The following KLF16 variants were observed in gnomAD, a reference collection of about 807,000 sequenced individuals.
KLF16 encodes the protein Krueppel-like factor 16.
Under a neutral mutation model 6.1 loss-of-function variants are expected in KLF16, and 6 were observed. The observed-to-expected ratio is 0.98, with a 90% CI of 0.54 to 1.93. The LOEUF (loss-of-function observed/expected upper bound fraction) is 1.93, where lower values mean the gene tolerates loss of function less well. KLF16 is among the 30% of genes most tolerant of loss of function. The pLI is 0.01. For missense variants in KLF16, 355 were observed against 363.8 expected, an observed-to-expected ratio of 0.98 and a Z score of 0.20; for synonymous variants, 211 against 176.5, an observed-to-expected ratio of 1.20 and a Z score of -1.55.
chr19:1,858,792 C>A (rs1170370662), intron 1 of KLF16, among the ~76,000 whole-genome samples: 1 of 152,126 alleles, frequency 6.6e-6, no homozygotes. Flanking sequence ...GGGGACAACC[C>A]CCTCAAGGAC....
rs758174504 is a variant in KLF16, at chr19:1,863,048, C to A, written c.450G>T (p.Thr150=). 4 of 1,395,046 alleles carry A rather than the reference C, an allele frequency of 2.9e-6. 1 individual carries two copies. The South Asian group carries it at 4.0e-5, about 14-fold the overall frequency. The allele number at this position is 1,395,046 out of a possible 1,614,324, so 86.4% of individuals were successfully genotyped here. The part of the protein sequence containing the change: ...KSSHLKSHLR[T]HTGERPFACD... Reference sequence around the variant, plus strand: ...GATCGCGGCTGCACTCACCTGTGTGCGTCCGCAGGTGCGACTTTAGGTGCG... The same window carrying A: ...GATCGCGGCTGCACTCACCTGTGTGAGTCCGCAGGTGCGACTTTAGGTGCG... The change falls in exon 1 of 2, where the codon ACG becomes ACT. Residue 150 remains threonine, a synonymous_variant. Coordinates refer to ENST00000250916, the MANE Select transcript of KLF16 (RefSeq NM_031918.4).
At chr19:1,854,795 C>T (rs369507829) in intron 1 of KLF16, 35 bp from the exon 2 acceptor site, 41 of 1,589,922 alleles carry the variant, frequency 2.6e-5, no homozygotes, top group Middle Eastern at 1.7e-4. Flanking sequence ...AGCGGGTCAG[C>T]GGGGGCGGGG....
the KLF16 span, among the ~76,000 whole-genome samples, chr19:1,872,849 G>C: frequency 6.6e-6 from 1 of 152,066 alleles, no homozygotes; most frequent in Non-Finnish European, 1.5e-5. Context: ...GCCCGGAACC[G>C]GGAGGGAAGT....
At chr19:1,871,588 CAG>C in the KLF16 span, among the ~76,000 whole-genome samples, 115 of 152,268 alleles carry the variant, frequency 7.6e-4, 1 homozygote, top group Non-Finnish European at 1.5e-3. Flanking sequence ...CAAAGCCACT[CAG>C]GGTATATTTC....
At chr19:1,871,584 C>T in the KLF16 span, among the ~76,000 whole-genome samples, 1 of 152,174 alleles carries the variant, frequency 6.6e-6, no homozygotes, top group Admixed American at 6.5e-5. Flanking sequence ...CCCCCAAAGC[C>T]ACTCAGGGTA....
At chr19:1,866,595 CAA>C (rs1028796626), upstream of KLF16, among the ~76,000 whole-genome samples, 9 of 149,066 alleles carry the variant, frequency 6.0e-5, no homozygotes, top group African/African-American at 1.2e-4. Flanking sequence ...GCCTGGGTGA[CAA>C]GAGAGAAACT....
upstream of KLF16, chr19:1,863,588 C>CGGAGGA (rs571616389): frequency 0.011 from 4,806 of 447,478 alleles, 58 homozygotes; most frequent in Middle Eastern, 0.017. Context: ...GTGCGGGAGG[C>CGGAGGA]GGAGGAGGAG....
chr19:1,859,866 A>C (rs907101753), intron 1 of KLF16, among the ~76,000 whole-genome samples: 3 of 151,958 alleles, frequency 2.0e-5, no homozygotes, highest in Non-Finnish European at 2.9e-5. Context: ...GACATTTGTG[A>C]TTGTCACGAC....
Position 1,854,140 on chromosome 19 carries a change from A to AG in KLF16, c.*318dup, listed in dbSNP as rs1275807184. The stretch of plus-strand genomic sequence containing the variant: ...CCACCCCCCCAAACCCCACCCCGGG[A>AG]GGGGGGCAGCAGGGGGTGGTGGAGA... On this transcript the variant is annotated 3_prime_UTR_variant, in exon 2 of 2. Transcript: ENST00000250916. 1.4e-5 allele frequency: 4 copies of AG among 285,646 alleles called. No individual in the cohort carries two copies. Among genetic ancestry groups the AG allele is most frequent in the Non-Finnish European group, 2.6e-5 (4 of 155,442 alleles). The allele number at this position is 285,646 out of a possible 1,614,324, so 17.7% of individuals were successfully genotyped here.
In KLF16 at chr19:1,863,056, G is replaced by A. The variant is rs973439117; in HGVS notation, c.442C>T (p.Leu148=). ...YYKSSHLKSH[L]RTHTGERPFA... The stretch of plus-strand genomic sequence containing the variant: ...CTGCACTCACCTGTGTGCGTCCGCA[G>A]GTGCGACTTTAGGTGCGAGGACTTG... Residue 148 remains leucine, a synonymous_variant, in exon 1 of 2, where the codon CTG becomes TTG. Coordinates refer to ENST00000250916, the MANE Select transcript of KLF16 (RefSeq NM_031918.4). 14 of 1,405,716 alleles carry A rather than the reference G, an allele frequency of 1.0e-5. No individual in the cohort carries two copies. The African/African-American group carries it at 1.8e-4, about 18-fold the overall frequency. 87.1% of individuals were successfully genotyped at this position (1,405,716 alleles called of 1,614,324 possible). A position where few individuals can be genotyped will look rare whatever the true frequency, so the allele number is the denominator to read the frequency against.
chr19:1,859,536 C>A (rs977386609), intron 1 of KLF16, among the ~76,000 whole-genome samples: 1 of 152,070 alleles, frequency 6.6e-6, no homozygotes, highest in Non-Finnish European at 1.5e-5. Context: ...AGGGATTCAC[C>A]TTGCCGAGGT....
At chr19:1,856,411 C>T (rs998197188) in intron 1 of KLF16, among the ~76,000 whole-genome samples, 2 of 152,178 alleles carry the variant, frequency 1.3e-5, no homozygotes, top group Admixed American at 1.3e-4. Context: ...CTCAGCAAAA[C>T]AAGACTGCAG....
chr19:1,866,528 C>T (rs2012190777), upstream of KLF16, among the ~76,000 whole-genome samples: 1 of 151,980 alleles, frequency 6.6e-6, no homozygotes, highest in African/African-American at 2.4e-5. Flanking sequence ...GTAGGAGAAT[C>T]GCTTGAACCC....
the KLF16 span, among the ~76,000 whole-genome samples, chr19:1,870,114 T>G: frequency 1.3e-5 from 2 of 150,884 alleles, no homozygotes; most frequent in African/African-American, 4.9e-5. Context: ...GTATTTTTAG[T>G]AGAGACGGGG....
chr19:1,857,914 T>C lies in KLF16; in HGVS notation c.458-3154A>G, dbSNP rs1007449683. Among the ~76,000 whole-genome samples the C allele has an allele frequency of 2.0e-5, 3 of 151,880 alleles. No homozygotes were observed. Among genetic ancestry groups the C allele is most frequent in the Non-Finnish European group, 2.9e-5 (2 of 67,916 alleles). ...ATAGGCAGCTGCTTCTGGGAGCCGC[T>C]GCAGAAAAGGGGGAACACTGGTGGT... On this transcript the variant is annotated intron_variant, in intron 1 of 1. Coordinates refer to ENST00000250916, the MANE Select transcript of KLF16 (RefSeq NM_031918.4). The surrounding 1 kb of genome is among the most constrained non-coding windows in gnomAD (Gnocchi z 4.7).
At chr19:1,873,983 G>A in the KLF16 span, among the ~76,000 whole-genome samples, 14 of 152,366 alleles carry the variant, frequency 9.2e-5, no homozygotes, top group Non-Finnish European at 1.6e-4. Flanking sequence ...GGCCAGCATC[G>A]CGCACCGTGA....
At chr19:1,862,392 G>T (rs1181544021) in intron 1 of KLF16, among the ~76,000 whole-genome samples, 1 of 152,164 alleles carries the variant, frequency 6.6e-6, no homozygotes, top group Non-Finnish European at 1.5e-5. Context: ...CAGCAGTGTG[G>T]ACCCGAGCCC....
At chr19:1,866,775 CAAAAA>C (rs10672007), upstream of KLF16, among the ~76,000 whole-genome samples, 3 of 86,844 alleles carry the variant, frequency 3.5e-5, no homozygotes, top group Non-Finnish European at 4.2e-5. Context: ...GACCCTGTCT[CAAAAA>C]AAAAAAAAAA....
intron 1 of KLF16, chr19:1,860,320 T>C (rs542478758): frequency 6.6e-6 from 1 of 152,492 alleles, no homozygotes; most frequent in Admixed American, 6.5e-5. Flanking sequence ...CGGGCTAGGA[T>C]AGGGGCTGTG....
Sources: gnomAD v4.1 joint callset for allele counts (sites outside exome capture counted in the v4.1 genomes callset) on GRCh38, gnomAD v4.1.1 for gene constraint, Gnocchi (gnomAD v3.1) non-coding constraint, MANE v1.5 for transcripts, NCBI Gene and HGNC (gene_info 2026-07-23, HGNC 2026-07-21) for gene names.